The following PTPRG variants were observed in gnomAD, a reference collection of about 807,000 sequenced individuals.
PTPRG encodes receptor-type tyrosine-protein phosphatase gamma.
In PTPRG, 102 loss-of-function variants were observed where a neutral mutation model predicts 165.3. The ratio of observed to expected loss-of-function variants is 0.62; its 90% CI spans 0.53 to 0.73. The LOEUF (loss-of-function observed/expected upper bound fraction) is 0.73. PTPRG is among the 30% of genes least tolerant of loss of function. The pLI is 0.00. For missense variants in PTPRG, 1,866 were observed against 1,861.4 expected, an observed-to-expected ratio of 1.00 and a Z score of -0.05; for synonymous variants, 675 against 669.5, an observed-to-expected ratio of 1.01 and a Z score of -0.13.
intron 2 of PTPRG, among the ~76,000 whole-genome samples, chr3:61,951,834 A>G (rs2039905738): frequency 6.6e-6 from 1 of 152,042 alleles, no homozygotes; most frequent in South Asian, 2.1e-4. Context: ...AAAATGATAG[A>G]ATCGGCCTGG....
chr3:62,292,588 C>G (rs17066334), intron 29 of PTPRG, 32 bp downstream of exon 29: 26 of 1,604,056 alleles, frequency 1.6e-5, no homozygotes, highest in Non-Finnish European at 2.2e-5. Context: ...AAAACCTGTA[C>G]TACATCAGTT....
chr3:61,568,783 C>T (rs1699988163), intron 1 of PTPRG, among the ~76,000 whole-genome samples: 1 of 152,092 alleles, frequency 6.6e-6, no homozygotes, highest in East Asian at 1.9e-4. Context: ...TGGTGCACAC[C>T]TGTAGTCCCA....
At chr3:62,280,129 T>C (rs138394704) in intron 26 of PTPRG, among the ~76,000 whole-genome samples, 2,534 of 152,172 alleles carry the variant, frequency 0.017, 26 homozygotes, top group Middle Eastern at 0.031. Context: ...AAAGACTTTC[T>C]ATGTTATCCC....
At chr3:62,192,456 T>TGGAGTGCA (rs918570551) in intron 9 of PTPRG, among the ~76,000 whole-genome samples, 45 of 130,036 alleles carry the variant, frequency 3.5e-4, no homozygotes, top group Non-Finnish European at 2.7e-4. Context: ...TCGCCCAGGC[T>TGGAGTGCA]GGAGTGCAGT....
intron 1 of PTPRG, among the ~76,000 whole-genome samples, chr3:61,592,688 C>T (rs549374749): frequency 6.6e-4 from 91 of 137,490 alleles, no homozygotes; most frequent in African/African-American, 2.5e-3. Flanking sequence ...ATCTGTCTAG[C>T]TTGTGGACTC....
intron 1 of PTPRG, among the ~76,000 whole-genome samples, chr3:61,727,565 G>A (rs760127734): frequency 6.6e-6 from 1 of 152,190 alleles, no homozygotes; most frequent in East Asian, 1.9e-4. Context: ...AGGACATTTT[G>A]AGGAACTGGG....
chr3:61,562,938 G>A (rs1575502579), intron 1 of PTPRG, among the ~76,000 whole-genome samples: 1 of 152,174 alleles, frequency 6.6e-6, no homozygotes, highest in East Asian at 1.9e-4. Context: ...TTCTGGGTCG[G>A]GGGCGTCCTC....
chr3:61,925,901 A>G (rs1185041211), intron 2 of PTPRG: 2 of 499,308 alleles, frequency 4.0e-6, no homozygotes, highest in South Asian at 1.5e-5. Context: ...ATCCCTGTTG[A>G]TGAGGTAACC....
At chr3:62,130,529 CT>C (rs1559545379) in intron 5 of PTPRG, among the ~76,000 whole-genome samples, 1 of 152,172 alleles carries the variant, frequency 6.6e-6, no homozygotes, top group Non-Finnish European at 1.5e-5. Flanking sequence ...GAGTAACTAA[CT>C]ACAGATAGTT....
In PTPRG at chr3:62,074,113, A is replaced by C. The variant is rs543665846; in HGVS notation, c.520-4050A>C. On this transcript the variant is annotated intron_variant, in intron 4 of 29. Transcript: ENST00000474889. ...CTTATTCTTAGAAATTACTCACTTG[A>C]GTATTTAGTGGTAAAGGGGCCTATT... Among the ~76,000 whole-genome samples, 32 of 151,746 alleles carry C rather than the reference A, an allele frequency of 2.1e-4. No individual in the cohort carries two copies. In the South Asian group the frequency reaches 6.4e-3, roughly 31 times the overall value.
intron 1 of PTPRG, among the ~76,000 whole-genome samples, chr3:61,633,149 G>A (rs906419036): frequency 2.6e-5 from 4 of 152,154 alleles, no homozygotes; most frequent in Non-Finnish European, 4.4e-5. Flanking sequence ...TCTGTTTTAT[G>A]TTTGTTATGG....
rs140394247 is a variant in PTPRG, at chr3:61,991,364, C to T, written c.370+1560C>T. Among the ~76,000 whole-genome samples, 1,207 of 152,288 alleles carry T rather than the reference C, an allele frequency of 7.9e-3. 56 individuals are homozygous for T. The highest frequency in any genetic ancestry group is 0.063 in the Admixed American group (964 of 15,286). ...GGGATTACAGGCATGTGCCACAACC[C>T]CCAGCTAGTTTTTGTGTTTTTAGTA... On this transcript the variant is annotated intron_variant, in intron 3 of 29. Transcript: ENST00000474889.
chr3:61,930,747 G>A (rs2039339350), intron 2 of PTPRG, among the ~76,000 whole-genome samples: 1 of 152,138 alleles, frequency 6.6e-6, no homozygotes, highest in Non-Finnish European at 1.5e-5. Flanking sequence ...TCGAACCACT[G>A]TAAAGGAGAG....
chr3:61,568,547 A>T (rs527914575), intron 1 of PTPRG, among the ~76,000 whole-genome samples: 3 of 152,258 alleles, frequency 2.0e-5, no homozygotes, highest in East Asian at 3.9e-4. Context: ...ATTCTGTGTG[A>T]GATAGCTTGC....
At position 61,672,504 on chromosome 3, in the gene PTPRG, G is replaced by A. The variant is rs1320893656; in HGVS notation, c.86-76374G>A. Among the ~76,000 whole-genome samples, 654 of 148,634 alleles carry A rather than the reference G, an allele frequency of 4.4e-3. 3 individuals carry two copies. The highest frequency in any genetic ancestry group is 9.7e-3 in the South Asian group (44 of 4,516). ...AGGCCGAGGCTGGCGGATCACTCGC[G>A]GTTAGGAGCTGGAGACCAGCCCGGC... On this transcript the variant is annotated intron_variant, in intron 1 of 29. Transcript: ENST00000474889.
chr3:61,641,326 T>C (rs1026639812), intron 1 of PTPRG, among the ~76,000 whole-genome samples: 1 of 152,184 alleles, frequency 6.6e-6, no homozygotes, highest in Non-Finnish European at 1.5e-5. Context: ...CCTGTCCTTA[T>C]GGGATGTTTC....
intron 2 of PTPRG, among the ~76,000 whole-genome samples, chr3:61,902,952 C>T (rs2038536439): frequency 6.6e-6 from 1 of 152,112 alleles, no homozygotes; most frequent in Non-Finnish European, 1.5e-5. Context: ...TCTCCTTTCC[C>T]ACCAGGGGCT....
chr3:61,998,813 A>T (rs915148327), intron 3 of PTPRG, among the ~76,000 whole-genome samples: 2 of 152,206 alleles, frequency 1.3e-5, no homozygotes, highest in African/African-American at 4.8e-5. Flanking sequence ...CATTCACCAC[A>T]TAGACCTTTC....
chr3:61,659,162 G>T (rs994073719), intron 1 of PTPRG: 19 of 439,798 alleles, frequency 4.3e-5, no homozygotes, highest in Middle Eastern at 1.1e-3. Context: ...AGGGCCTTTT[G>T]CCATGGCCTG....
Sources: gnomAD v4.1 joint callset for allele counts (sites outside exome capture counted in the v4.1 genomes callset) on GRCh38, gnomAD v4.1.1 for gene constraint, MANE v1.5 for transcripts, NCBI Gene and HGNC (gene_info 2026-07-23, HGNC 2026-07-21) for gene names.